Variants in ECE1 observed in about 807,000 individuals in gnomAD.
ECE1 encodes endothelin converting enzyme 1, also known as endothelin-converting enzyme 1.
A neutral mutation model predicts 98.6 loss-of-function variants in ECE1; 35 were observed. That is an observed-to-expected ratio of 0.35 (90% confidence interval 0.27 to 0.47). ECE1 has a LOEUF of 0.47. Among genes scored for constraint, ECE1 ranks in the 20% least tolerant of loss-of-function variants. The pLI is 1.00. For missense variants in ECE1, 814 were observed against 1,025.3 expected, an observed-to-expected ratio of 0.79 and a Z score of 2.81; for synonymous variants, 394 against 407.1, an observed-to-expected ratio of 0.97 and a Z score of 0.39.
chr1:21,255,317 A>C (rs2098218548), intron 8 of ECE1, among the ~76,000 whole-genome samples: 1 of 152,194 alleles, frequency 6.6e-6, no homozygotes, highest in African/African-American at 2.4e-5. Flanking sequence ...CTGCAATGCC[A>C]GCTGATGCTC....
intron 17 of ECE1, among the ~76,000 whole-genome samples, chr1:21,224,168 C>T (rs2098170879): frequency 6.6e-6 from 1 of 152,088 alleles, no homozygotes; most frequent in Non-Finnish European, 1.5e-5. Context: ...CCAGGCTCTT[C>T]CTCATCATTT....
chr1:21,225,559 T>C lies in ECE1; in HGVS notation c.1850-119A>G, dbSNP rs2098173057. The C allele has an allele frequency of 6.7e-6, 8 of 1,198,354 alleles. No individual in the cohort carries two copies. The highest frequency in any genetic ancestry group is 8.2e-6 in the Non-Finnish European group (7 of 851,426). The allele number at this position is 1,198,354 out of a possible 1,614,324, so 74.2% of individuals were successfully genotyped here. A position where few individuals can be genotyped will look rare whatever the true frequency, so the allele number is the denominator to read the frequency against. ...GTCCACCCCCGTCCTCCAGCCACCA[T>C]GGGGAGACGAGGTCCCTGTGAGTGC... On this transcript the variant is annotated intron_variant, in intron 16 of 18. Transcript: ENST00000374893. This position sits in a 1 kb window ranked among gnomAD's most constrained non-coding sequence, Gnocchi z 5.3.
intron 3 of ECE1, among the ~76,000 whole-genome samples, chr1:21,277,578 C>T (rs1308501522): frequency 6.6e-6 from 1 of 152,182 alleles, no homozygotes; most frequent in Non-Finnish European, 1.5e-5. Flanking sequence ...CAAACACACA[C>T]ACACACACAC....
intron 1 of ECE1, among the ~76,000 whole-genome samples, chr1:21,331,841 C>T (rs1012461111): frequency 2.0e-5 from 3 of 152,166 alleles, no homozygotes; most frequent in Admixed American, 1.3e-4. Context: ...ATTATTATTA[C>T]TGCTAAGACT....
intron 3 of ECE1, among the ~76,000 whole-genome samples, chr1:21,274,068 G>A (rs936290066): frequency 6.6e-5 from 10 of 152,370 alleles, no homozygotes; most frequent in Middle Eastern, 3.4e-3. Context: ...GAACGTGGCC[G>A]TGTACTGGGC....
chr1:21,284,830 TG>T (rs2098258820), intron 2 of ECE1, among the ~76,000 whole-genome samples: 1 of 152,098 alleles, frequency 6.6e-6, no homozygotes, highest in Non-Finnish European at 1.5e-5. Context: ...GAAGCAGCAA[TG>T]GGAGTGGTCT....
At position 21,228,073 on chromosome 1, in the gene ECE1, C is replaced by T. The variant is rs1437703232; in HGVS notation, c.1671-32G>A. ...GCAACACACATGCAGGAGGTCTCAG[C>T]ACAGGGCGGGAGGCAGGTGGGGACA... On this transcript the variant is annotated intron_variant, in intron 14 of 18. Transcript: ENST00000374893. The T allele has an allele frequency of 5.9e-6, 9 of 1,532,752 alleles. No homozygotes were observed. The Admixed American group carries it at 5.9e-5, about 10-fold the overall frequency. 94.9% of individuals were successfully genotyped at this position (1,532,752 alleles called of 1,614,324 possible). A position where few individuals can be genotyped will look rare whatever the true frequency, so the allele number is the denominator to read the frequency against.
At position 21,345,311 on chromosome 1, in the gene ECE1, G is replaced by A. The variant is rs1410819558; in HGVS notation, c.3+65C>T. Reference sequence around the variant, plus strand: ...AGGGCGGCCCCGGGTGCCACCCGCGGCACCGCTGCCCGCGACCGTCGAGGC... The same window carrying A: ...AGGGCGGCCCCGGGTGCCACCCGCGACACCGCTGCCCGCGACCGTCGAGGC... On this transcript the variant is annotated intron_variant, in intron 1 of 18. Transcript: ENST00000415912. The surrounding 1 kb of genome is among the most constrained non-coding windows in gnomAD (Gnocchi z 5.1). 4.5e-6 allele frequency: 6 copies of A among 1,334,600 alleles called. No homozygotes were observed. The African/African-American group carries it at 6.1e-5, about 14-fold the overall frequency. 82.7% of individuals were successfully genotyped at this position (1,334,600 alleles called of 1,614,324 possible).
At position 21,258,255 on chromosome 1, in the gene ECE1, G is replaced by T. The variant is rs1353261353; in HGVS notation, c.762+438C>A. On this transcript the variant is annotated intron_variant, in intron 6 of 18. Transcript: ENST00000374893. The surrounding 1 kb of genome is among the most constrained non-coding windows in gnomAD (Gnocchi z 4.2). ...TCAGCTTTTAGGACCCCCAGCCTGG[G>T]TTTCTCACTTCTGCATTGGAGGTTG... is the stretch of plus-strand genomic sequence containing the variant. Among the ~76,000 whole-genome samples the T allele has an allele frequency of 6.6e-6, 1 of 152,208 alleles. No homozygotes were observed. Among genetic ancestry groups the T allele is most frequent in the Non-Finnish European group, 1.5e-5 (1 of 68,048 alleles).
In ECE1 at chr1:21,279,435, C is replaced by CA. The variant is rs1257158529; in HGVS notation, c.139-104dup. On this transcript the variant is annotated intron_variant, in intron 2 of 18. Transcript: ENST00000374893. Reference sequence around the variant, plus strand: ...GCAGGCCCAGGCCCTGGAGAGGCATCAGGGCTGCCTCCTGTCTCAGGGGTG... The same window carrying CA: ...GCAGGCCCAGGCCCTGGAGAGGCATCAAGGGCTGCCTCCTGTCTCAGGGGTG... 3 of 1,592,412 alleles carry CA rather than the reference C, an allele frequency of 1.9e-6. No homozygotes were observed. In the African/African-American group the frequency reaches 4.0e-5, roughly 21 times the overall value.
intron 1 of ECE1, among the ~76,000 whole-genome samples, chr1:21,317,033 G>A (rs913942899): frequency 5.9e-5 from 9 of 152,072 alleles, no homozygotes; most frequent in African/African-American, 1.4e-4. Flanking sequence ...CTCTTCCCCT[G>A]GGAGAGAGAG....
chr1:21,236,004 C>G, intron 12 of ECE1, 77 bp from the exon 13 acceptor site: 1 of 1,405,142 alleles, frequency 7.1e-7, no homozygotes, highest in Admixed American at 1.7e-5. Context: ...GTGCTGGGCT[C>G]ATAGTCTGGG....
intron 14 of ECE1, among the ~76,000 whole-genome samples, chr1:21,229,740 C>A (rs1260734937): frequency 6.6e-6 from 1 of 152,052 alleles, no homozygotes; most frequent in Non-Finnish European, 1.5e-5. Flanking sequence ...GGAAGTATAA[C>A]CATTTGGAAG....
rs1232000556 is a variant in ECE1 at position 21,235,822 on chromosome 1, G to C, written c.1566+28C>G. Reference sequence around the variant, plus strand: ...CTTTTCTAAGGGGGCATTTAGGAACGCAAGGGGGCAGGGCAGCAGCTACTC... The same window carrying C: ...CTTTTCTAAGGGGGCATTTAGGAACCCAAGGGGGCAGGGCAGCAGCTACTC... On this transcript the variant is annotated intron_variant, in intron 13 of 18. Transcript: ENST00000374893. This position sits in a 1 kb window ranked among gnomAD's most constrained non-coding sequence, Gnocchi z 4.2. 2 of 1,612,054 alleles carry C rather than the reference G, an allele frequency of 1.2e-6. No individual in the cohort carries two copies. The highest frequency in any genetic ancestry group is 3.3e-5 in the Admixed American group (2 of 60,006).
chr1:21,305,222 G>C (rs1558424642), intron 1 of ECE1, among the ~76,000 whole-genome samples: 1 of 152,162 alleles, frequency 6.6e-6, no homozygotes, highest in Non-Finnish European at 1.5e-5. Flanking sequence ...AGTTCCACTG[G>C]ACAACACTGG....
At chr1:21,276,724 C>T (rs530932119) in intron 3 of ECE1, among the ~76,000 whole-genome samples, 6 of 142,096 alleles carry the variant, frequency 4.2e-5, no homozygotes, top group Non-Finnish European at 9.0e-5. Context: ...CTCGCTCTGT[C>T]GCCCAGGCTG....
chr1:21,241,760 A>G (rs1378504177), intron 10 of ECE1, among the ~76,000 whole-genome samples: 2 of 152,140 alleles, frequency 1.3e-5, no homozygotes, highest in African/African-American at 2.4e-5. Context: ...TCCGGCTCCA[A>G]TGTCTTCCTT....
chr1:21,323,414 T>C (rs1226838187), intron 1 of ECE1, among the ~76,000 whole-genome samples: 1 of 152,184 alleles, frequency 6.6e-6, no homozygotes, highest in Non-Finnish European at 1.5e-5. Context: ...GTGTGCCTAC[T>C]ACGTGTTAGC....
chr1:21,300,539 A>G (rs753579465), intron 1 of ECE1, among the ~76,000 whole-genome samples: 2 of 152,032 alleles, frequency 1.3e-5, no homozygotes, highest in Non-Finnish European at 2.9e-5. Context: ...GGCTCAAGCA[A>G]TTCTCCTACC....
Sources: allele counts gnomAD v4.1 joint callset (sites outside exome capture counted in the v4.1 genomes callset), GRCh38; gene constraint gnomAD v4.1.1; non-coding constraint Gnocchi (gnomAD v3.1); transcripts MANE v1.5; gene names NCBI Gene and HGNC (gene_info 2026-07-23, HGNC 2026-07-21).